The following TSNARE1 variants were observed in gnomAD, a reference collection of about 807,000 sequenced individuals.
TSNARE1 encodes the protein t-SNARE domain-containing protein 1.
TSNARE1 carries 49 observed loss-of-function variants against 62.0 expected under a neutral mutation model. The ratio of observed to expected loss-of-function variants is 0.79; its 90% CI spans 0.63 to 1.00. The LOEUF is 1.00. Among genes scored for constraint, TSNARE1 ranks in the 50% least tolerant of loss-of-function variants. The pLI is 0.00. For synonymous variants in TSNARE1, 328 were observed against 294.4 expected, an observed-to-expected ratio of 1.11 and a Z score of -1.17; for missense variants, 755 against 700.1, an observed-to-expected ratio of 1.08 and a Z score of -0.88.
intron 11 of TSNARE1, 130 bp from the exon 12 acceptor site, chr8:142,274,993 G>A: frequency 7.3e-7 from 1 of 1,377,606 alleles, no homozygotes; most frequent in Non-Finnish European, 9.4e-7. Context: ...CTGCAGGGAT[G>A]GGCGCTGGGC....
At chr8:142,248,433 C>T (rs1430387937) in intron 12 of TSNARE1, among the ~76,000 whole-genome samples, 2 of 152,230 alleles carry the variant, frequency 1.3e-5, no homozygotes, top group African/African-American at 2.4e-5. Flanking sequence ...TCAGCACCCA[C>T]GGGGCTCCTG....
Position 142,229,648 on chromosome 8 carries a change from T to C in TSNARE1, c.1447-69A>G, listed in dbSNP as rs867117104. Reference sequence around the variant, plus strand: ...CCTCCCATCCTCAGGGGCATTTGGCTTGTGCATACTTTGGGCTGTGGCATG... The same window carrying C: ...CCTCCCATCCTCAGGGGCATTTGGCCTGTGCATACTTTGGGCTGTGGCATG... On this transcript the variant is annotated intron_variant, in intron 12 of 13. Coordinates refer to ENST00000524325, the MANE Select transcript of TSNARE1 (RefSeq NM_145003.5). 5.6e-5 allele frequency: 82 copies of C among 1,462,840 alleles called. No individual in the cohort carries two copies. In the Middle Eastern group the frequency reaches 6.5e-3, roughly 115 times the overall value. The allele number at this position is 1,462,840 out of a possible 1,614,324, so 90.6% of individuals were successfully genotyped here.
At chr8:142,354,988 A>G (rs1834608479) in intron 1 of TSNARE1, among the ~76,000 whole-genome samples, 1 of 151,262 alleles carries the variant, frequency 6.6e-6, no homozygotes, top group African/African-American at 2.4e-5. Flanking sequence ...GCAGGAACAC[A>G]GAAACACAGC....
chr8:142,392,602 T>G (rs117518263), intron 1 of TSNARE1, among the ~76,000 whole-genome samples: 1 of 152,170 alleles, frequency 6.6e-6, no homozygotes, highest in South Asian at 2.1e-4. Context: ...CCATCCATCA[T>G]TGACCAAAAC....
At chr8:142,378,992 G>C (rs1282778610) in intron 1 of TSNARE1, among the ~76,000 whole-genome samples, 1 of 152,076 alleles carries the variant, frequency 6.6e-6, no homozygotes, top group Non-Finnish European at 1.5e-5. Flanking sequence ...AGCTCACAGG[G>C]CACTCTCATA....
intron 9 of TSNARE1, among the ~76,000 whole-genome samples, chr8:142,313,278 CTGTT>C (rs1213111429): frequency 2.6e-5 from 4 of 151,518 alleles, no homozygotes; most frequent in South Asian, 2.1e-4. Context: ...GTCTGCATGT[CTGTT>C]TATCTGCATG....
At chr8:142,365,284 T>C (rs377566763) in intron 1 of TSNARE1, among the ~76,000 whole-genome samples, 2 of 152,316 alleles carry the variant, frequency 1.3e-5, no homozygotes, top group South Asian at 2.1e-4. Context: ...AATGTCAATG[T>C]TATCAAAGAC....
intron 1 of TSNARE1, among the ~76,000 whole-genome samples, chr8:142,358,451 G>C (rs1834916202): frequency 6.6e-6 from 1 of 152,158 alleles, no homozygotes; most frequent in Admixed American, 6.5e-5. Context: ...GGGCCCCTGG[G>C]GGGACTGGAA....
At chr8:142,271,128 C>G in intron 12 of TSNARE1, 15 of 986,622 alleles carry the variant, frequency 1.5e-5, no homozygotes, top group Non-Finnish European at 1.7e-5. Context: ...CCTGAGAAGA[C>G]CTCGAGCCCC....
At chr8:142,270,436 A>T in intron 12 of TSNARE1, 1 of 985,028 alleles carries the variant, frequency 1.0e-6, no homozygotes, top group African/African-American at 1.7e-5. Flanking sequence ...ATCTACAGGT[A>T]CAAAATGTCA....
intron 1 of TSNARE1, chr8:142,365,995 G>A: frequency 2.4e-5 from 10 of 415,836 alleles, no homozygotes; most frequent in South Asian, 1.7e-4. Flanking sequence ...CATTTCCAAT[G>A]TGCCAAAAAT....
At chr8:142,256,924 G>A (rs948211969) in intron 12 of TSNARE1, among the ~76,000 whole-genome samples, 5 of 152,182 alleles carry the variant, frequency 3.3e-5, no homozygotes, top group African/African-American at 1.2e-4. Context: ...AGGGGTCCTG[G>A]GGAACACTGT....
At chr8:142,369,969 T>C (rs1411926445) in intron 1 of TSNARE1, among the ~76,000 whole-genome samples, 1 of 152,178 alleles carries the variant, frequency 6.6e-6, no homozygotes, top group Non-Finnish European at 1.5e-5. Flanking sequence ...ACCCCCAACA[T>C]GATGGTGTTA....
intron 13 of TSNARE1, among the ~76,000 whole-genome samples, chr8:142,227,067 C>G (rs1384541953): frequency 1.3e-5 from 2 of 149,836 alleles, no homozygotes; most frequent in Non-Finnish European, 3.0e-5. Context: ...CCCCACTGCA[C>G]CCACACAGCA....
intron 12 of TSNARE1, among the ~76,000 whole-genome samples, chr8:142,236,259 C>A (rs964395481): frequency 3.9e-5 from 6 of 151,958 alleles, no homozygotes; most frequent in Non-Finnish European, 7.4e-5. Context: ...TCAGACCCAC[C>A]CCCGAGATAC....
At chr8:142,280,038 G>A in intron 11 of TSNARE1, 1 of 1,230,740 alleles carries the variant, frequency 8.1e-7, no homozygotes. Context: ...CCAGGTCGCG[G>A]CGGCAGTAGC....
At chr8:142,243,697 T>C (rs1817762765) in intron 12 of TSNARE1, among the ~76,000 whole-genome samples, 2 of 152,172 alleles carry the variant, frequency 1.3e-5, no homozygotes, top group South Asian at 4.1e-4. Context: ...GCATGGTAAC[T>C]CTAGTGAATA....
At chr8:142,293,914 A>G (rs560614554) in intron 10 of TSNARE1, among the ~76,000 whole-genome samples, 18 of 152,256 alleles carry the variant, frequency 1.2e-4, no homozygotes, top group Non-Finnish European at 2.1e-4. Context: ...CCTTGGCACT[A>G]AGCTTCCCCT....
At chr8:142,394,824 C>A (rs1192023278) in intron 1 of TSNARE1, among the ~76,000 whole-genome samples, 2 of 152,230 alleles carry the variant, frequency 1.3e-5, no homozygotes, top group Non-Finnish European at 2.9e-5. Context: ...CTGTCCACGT[C>A]CCTGTGTGCC....
Sources: allele counts gnomAD v4.1 joint callset (sites outside exome capture counted in the v4.1 genomes callset), GRCh38; gene constraint gnomAD v4.1.1; transcripts MANE v1.5; gene names NCBI Gene and HGNC (gene_info 2026-07-23, HGNC 2026-07-21).